LRRTM4: variants seen among roughly 807,000 people sequenced by gnomAD.
LRRTM4 encodes the protein leucine-rich repeat transmembrane neuronal protein 4.
Under a neutral mutation model 47.6 loss-of-function variants are expected in LRRTM4, and 25 were observed. The ratio of observed to expected loss-of-function variants is 0.53; its 90% CI spans 0.38 to 0.73. LRRTM4 has a LOEUF of 0.73. LRRTM4 is among the 30% of genes least tolerant of loss of function. LRRTM4 has a pLI of 0.00. For synonymous variants in LRRTM4, 311 were observed against 269.5 expected (o/e 1.15, Z -1.51); for missense variants, 638 against 713.4 (o/e 0.89, Z 1.20).
chr2:76,938,062 T>C (rs1675017482), intron 3 of LRRTM4, among the ~76,000 whole-genome samples: 1 of 152,240 alleles, frequency 6.6e-6, no homozygotes, highest in Non-Finnish European at 1.5e-5. Flanking sequence ...AATTATCAAA[T>C]AATTATCTTT....
intron 3 of LRRTM4, among the ~76,000 whole-genome samples, chr2:77,357,727 G>T (rs1672022090): frequency 6.6e-6 from 1 of 152,124 alleles, no homozygotes; most frequent in South Asian, 2.1e-4. Flanking sequence ...TTTATTAAAT[G>T]ACTTTATATA....
intron 3 of LRRTM4, among the ~76,000 whole-genome samples, chr2:76,924,893 A>G (rs1309738353): frequency 6.6e-6 from 1 of 152,078 alleles, no homozygotes; most frequent in Admixed American, 6.6e-5. Flanking sequence ...AATTCCTTCT[A>G]CCTCTTCACG....
At chr2:76,775,956 G>A (rs973311886) in intron 3 of LRRTM4, among the ~76,000 whole-genome samples, 2 of 136,838 alleles carry the variant, frequency 1.5e-5, no homozygotes, top group African/African-American at 5.6e-5. Context: ...CCCTTCCTGT[G>A]TCCATATGAT....
At chr2:76,758,605 A>G (rs1045351956) in intron 3 of LRRTM4, among the ~76,000 whole-genome samples, 1 of 152,202 alleles carries the variant, frequency 6.6e-6, no homozygotes, top group African/African-American at 2.4e-5. Context: ...TTTTGGAACA[A>G]CATGGCAGAA....
intron 3 of LRRTM4, among the ~76,000 whole-genome samples, chr2:76,868,406 A>G (rs928207295): frequency 1.3e-5 from 2 of 152,148 alleles, no homozygotes; most frequent in African/African-American, 4.8e-5. Context: ...TTTAGTGTGA[A>G]CAAAATAGGA....
At chr2:77,216,013 G>A (rs1273806450) in intron 3 of LRRTM4, among the ~76,000 whole-genome samples, 4 of 152,088 alleles carry the variant, frequency 2.6e-5, no homozygotes, top group South Asian at 2.1e-4. Flanking sequence ...CCTGCAGAAC[G>A]TTAGAGCTGG....
chr2:77,061,291 A>G (rs977187734), intron 3 of LRRTM4, among the ~76,000 whole-genome samples: 13 of 152,176 alleles, frequency 8.5e-5, no homozygotes, highest in Admixed American at 1.3e-4. Flanking sequence ...TTATATTGCT[A>G]ATGCCAGTAT....
intron 3 of LRRTM4, among the ~76,000 whole-genome samples, chr2:77,431,001 G>T (rs1034186386): frequency 6.7e-6 from 1 of 148,644 alleles, no homozygotes; most frequent in Non-Finnish European, 1.5e-5. Context: ...CGAACTCTAG[G>T]TTTTCTGGCC....
At chr2:77,455,592 C>A (rs539131533) in intron 3 of LRRTM4, among the ~76,000 whole-genome samples, 1 of 151,996 alleles carries the variant, frequency 6.6e-6, no homozygotes, top group African/African-American at 2.4e-5. Flanking sequence ...ATTCTCAAAC[C>A]TCTTCTTTTC....
At chr2:77,141,130 C>T (rs1355609731) in intron 3 of LRRTM4, among the ~76,000 whole-genome samples, 1 of 152,014 alleles carries the variant, frequency 6.6e-6, no homozygotes, top group East Asian at 1.9e-4. Flanking sequence ...GGGTATATAC[C>T]CAAAGGATTA....
At chr2:76,947,883 A>T (rs1275418968) in intron 3 of LRRTM4, among the ~76,000 whole-genome samples, 1 of 151,854 alleles carries the variant, frequency 6.6e-6, no homozygotes, top group African/African-American at 2.4e-5. Context: ...AAAAGAAAGA[A>T]ATTGCAAGGC....
At chr2:76,937,756 CG>C (rs1675006514) in intron 3 of LRRTM4, among the ~76,000 whole-genome samples, 1 of 151,952 alleles carries the variant, frequency 6.6e-6, no homozygotes, top group Non-Finnish European at 1.5e-5. Flanking sequence ...TTAGTACAGA[CG>C]GGGTTTCACC....
At chr2:76,851,950 T>C (rs1453747149) in intron 3 of LRRTM4, among the ~76,000 whole-genome samples, 1 of 152,112 alleles carries the variant, frequency 6.6e-6, no homozygotes, top group Non-Finnish European at 1.5e-5. Flanking sequence ...GCAGTACTTT[T>C]ATGATTCTTG....
At chr2:77,073,710 G>A (rs1354516281) in intron 3 of LRRTM4, among the ~76,000 whole-genome samples, 2 of 152,056 alleles carry the variant, frequency 1.3e-5, no homozygotes, top group African/African-American at 2.4e-5. Context: ...CAAATTTCAT[G>A]TTGCAGAAAA....
intron 3 of LRRTM4, among the ~76,000 whole-genome samples, chr2:76,776,246 G>C (rs879037950): frequency 6.6e-6 from 1 of 152,204 alleles, no homozygotes; most frequent in Non-Finnish European, 1.5e-5. Flanking sequence ...ATAGCAGCAT[G>C]ATTTATAATC....
At chr2:77,174,117 G>A (rs1489259524) in intron 3 of LRRTM4, among the ~76,000 whole-genome samples, 1 of 151,948 alleles carries the variant, frequency 6.6e-6, no homozygotes, top group East Asian at 1.9e-4. Context: ...ATCCAGCCCT[G>A]CCCACCAAAT....
rs574165303 is a variant in LRRTM4, at chr2:77,380,014, C to T, written c.1551+138304G>A. On this transcript the variant is annotated intron_variant, in intron 3 of 3. Coordinates refer to ENST00000409884, the MANE Select transcript of LRRTM4 (RefSeq NM_001134745.3). Reference sequence around the variant, plus strand: ...GTAGCTTACATTTCATTAGGTAATACTTTTTAAGCCAGAAAGCTATGAAGG... The same window carrying T: ...GTAGCTTACATTTCATTAGGTAATATTTTTTAAGCCAGAAAGCTATGAAGG... Among the ~76,000 whole-genome samples, 3 of 152,086 alleles carry T rather than the reference C, an allele frequency of 2.0e-5. No individual in the cohort carries two copies. In the East Asian group the frequency reaches 5.8e-4, roughly 29 times the overall value.
At chr2:77,400,542 C>T (rs527830237) in intron 3 of LRRTM4, among the ~76,000 whole-genome samples, 1 of 151,966 alleles carries the variant, frequency 6.6e-6, no homozygotes. Flanking sequence ...TCTTCTCTTG[C>T]TCTATTTCTC....
At chr2:76,800,139 C>T (rs112700305) in intron 3 of LRRTM4, among the ~76,000 whole-genome samples, 4,922 of 146,326 alleles carry the variant, frequency 0.034, 239 homozygotes, top group African/African-American at 0.099. Flanking sequence ...GAGCCCGCAT[C>T]GCCAAGTCAA....
Sources: gnomAD v4.1 joint callset for allele counts (sites outside exome capture counted in the v4.1 genomes callset) on GRCh38, gnomAD v4.1.1 for gene constraint, MANE v1.5 for transcripts, NCBI Gene and HGNC (gene_info 2026-07-23, HGNC 2026-07-21) for gene names.